Variants in CTNNA3 observed in about 807,000 individuals in gnomAD.
CTNNA3 encodes catenin alpha 3.
Under a neutral mutation model 95.7 loss-of-function variants are expected in CTNNA3, and 76 were observed. The ratio of observed to expected loss-of-function variants is 0.79; its 90% CI spans 0.66 to 0.96. CTNNA3 has a LOEUF of 0.96. Ranked by LOEUF, CTNNA3 falls within the 40% of genes least tolerant of loss-of-function variation. The pLI is 0.00. For synonymous variants in CTNNA3, 431 were observed against 374.4 expected (o/e 1.15, Z -1.74); for missense variants, 1,191 against 1,089.8 (o/e 1.09, Z -1.31).
At chr10:66,039,369 C>T (rs1319892330) in intron 15 of CTNNA3, among the ~76,000 whole-genome samples, 1 of 152,148 alleles carries the variant, frequency 6.6e-6, no homozygotes, top group Non-Finnish European at 1.5e-5. Flanking sequence ...ATATTCTTCA[C>T]AGATGAGAAA....
Position 66,870,851 on chromosome 10 carries a change from T to A in CTNNA3, c.1048-95327A>T, listed in dbSNP as rs539785332. Among the ~76,000 whole-genome samples the A allele has an allele frequency of 1.6e-3, 242 of 152,244 alleles. 1 individual carries two copies. The highest frequency in any genetic ancestry group is 5.6e-3 in the South Asian group (27 of 4,820). On this transcript the variant is annotated intron_variant, in intron 7 of 17. Transcript: ENST00000433211. ...TGACCATAGATTCTCATACCTAAAT[T>A]CAACAACAAAGTCAGAAGTGCTTTT...
chr10:67,642,684 T>C (rs915196962), intron 2 of CTNNA3, among the ~76,000 whole-genome samples: 4 of 151,350 alleles, frequency 2.6e-5, no homozygotes, highest in African/African-American at 9.8e-5. Context: ...GCCACTGCAC[T>C]CCAGCCTGGG....
At chr10:66,365,481 C>A (rs545922598) in intron 12 of CTNNA3, among the ~76,000 whole-genome samples, 1 of 152,124 alleles carries the variant, frequency 6.6e-6, no homozygotes, top group South Asian at 2.1e-4. Flanking sequence ...CACGCGTATA[C>A]CTATGTAACA....
intron 11 of CTNNA3, among the ~76,000 whole-genome samples, chr10:66,431,241 A>G (rs897593284): frequency 6.6e-6 from 1 of 152,174 alleles, no homozygotes; most frequent in African/African-American, 2.4e-5. Context: ...AAAAGTCAGG[A>G]AACAACAGGA....
intron 10 of CTNNA3, among the ~76,000 whole-genome samples, chr10:66,592,992 G>A (rs1450021224): frequency 6.6e-6 from 1 of 152,120 alleles, no homozygotes; most frequent in Non-Finnish European, 1.5e-5. Flanking sequence ...CAATGAAGAA[G>A]AAGGCAAATT....
intron 11 of CTNNA3, among the ~76,000 whole-genome samples, chr10:66,401,292 T>G (rs1431728520): frequency 6.6e-6 from 1 of 152,044 alleles, no homozygotes; most frequent in Non-Finnish European, 1.5e-5. Flanking sequence ...GCTGGGAGGC[T>G]GAGGCAGGGG....
chr10:66,967,273 G>C (rs1475753507), intron 7 of CTNNA3, among the ~76,000 whole-genome samples: 1 of 151,436 alleles, frequency 6.6e-6, no homozygotes, highest in African/African-American at 2.4e-5. Context: ...ATAAGCCCAG[G>C]TCATCTGCTA....
chr10:67,705,368 G>A (rs1841071691), intron 1 of CTNNA3, among the ~76,000 whole-genome samples: 1 of 151,428 alleles, frequency 6.6e-6, no homozygotes, highest in Non-Finnish European at 1.5e-5. Context: ...GCAAAGACTT[G>A]GAACCAACCC....
At chr10:67,223,514 G>C (rs1031435136) in intron 5 of CTNNA3, among the ~76,000 whole-genome samples, 2 of 152,132 alleles carry the variant, frequency 1.3e-5, no homozygotes, top group African/African-American at 4.8e-5. Flanking sequence ...GCTCACAGGA[G>C]ATTTCCAAGT....
At chr10:67,105,238 T>C (rs1045549662) in intron 7 of CTNNA3, among the ~76,000 whole-genome samples, 1 of 151,612 alleles carries the variant, frequency 6.6e-6, no homozygotes, top group Non-Finnish European at 1.5e-5. Flanking sequence ...TATTAAATGA[T>C]AGATAGATAG....
rs144448056 is a variant in CTNNA3 at position 66,377,214 on chromosome 10, C to T, written c.1732+1938G>A. Among the ~76,000 whole-genome samples the T allele has an allele frequency of 5.4e-3, 822 of 151,986 alleles. 9 individuals are homozygous for T. Among genetic ancestry groups the T allele is most frequent in the African/African-American group, 0.014 (573 of 41,498 alleles). On this transcript the variant is annotated intron_variant, in intron 12 of 17. Transcript: ENST00000433211. The stretch of plus-strand genomic sequence containing the variant: ...AAAATTGGGACATCATAAACTATAC[C>T]GTTACGCTAATAATAAGATGCTGTT...
chr10:67,647,390 A>G (rs781248238), intron 2 of CTNNA3, 25 bp downstream of exon 2: 2 of 1,515,558 alleles, frequency 1.3e-6, no homozygotes, highest in East Asian at 2.3e-5. Flanking sequence ...GTTACTATAT[A>G]TCATAATTTC....
chr10:67,154,292 CTTTT>C (rs201096353), intron 7 of CTNNA3, among the ~76,000 whole-genome samples: 1 of 151,694 alleles, frequency 6.6e-6, no homozygotes, highest in South Asian at 2.1e-4. Flanking sequence ...CGTTAATGGG[CTTTT>C]TTTTAAGTCA....
intron 1 of CTNNA3, among the ~76,000 whole-genome samples, chr10:67,720,628 A>C (rs1461946051): frequency 6.6e-6 from 1 of 151,996 alleles, no homozygotes; most frequent in Non-Finnish European, 1.5e-5. Context: ...TAGGTTGGCT[A>C]GATATGAAAT....
chr10:66,086,178 G>A (rs1201003707), intron 14 of CTNNA3, among the ~76,000 whole-genome samples: 1 of 152,110 alleles, frequency 6.6e-6, no homozygotes, highest in Non-Finnish European at 1.5e-5. Context: ...AAGACCCTCT[G>A]CTCAAGAGGC....
chr10:66,751,674 C>T (rs940413731), intron 9 of CTNNA3, among the ~76,000 whole-genome samples: 1 of 152,162 alleles, frequency 6.6e-6, no homozygotes, highest in South Asian at 2.1e-4. Flanking sequence ...TTAGACTATA[C>T]TGCCTTCCAA....
At chr10:66,673,203 C>T (rs867008902) in intron 9 of CTNNA3, among the ~76,000 whole-genome samples, 3 of 152,184 alleles carry the variant, frequency 2.0e-5, no homozygotes, top group Middle Eastern at 3.4e-3. Context: ...CAGAATTTAT[C>T]ACCATTTAGC....
intron 13 of CTNNA3, among the ~76,000 whole-genome samples, chr10:66,163,822 T>A (rs1043382625): frequency 3.3e-5 from 5 of 152,210 alleles, no homozygotes; most frequent in African/African-American, 1.2e-4. Context: ...AATGTTTTCA[T>A]ATGATCTATG....
At chr10:67,224,553 G>C (rs1300351438) in intron 5 of CTNNA3, among the ~76,000 whole-genome samples, 1 of 152,130 alleles carries the variant, frequency 6.6e-6, no homozygotes, top group Non-Finnish European at 1.5e-5. Flanking sequence ...CCCCAACTGC[G>C]GAAGTGGGAA....
Sources: allele counts gnomAD v4.1 joint callset (sites outside exome capture counted in the v4.1 genomes callset), GRCh38; gene constraint gnomAD v4.1.1; transcripts MANE v1.5; gene names NCBI Gene and HGNC (gene_info 2026-07-23, HGNC 2026-07-21).